The following CTNND2 variants were observed in gnomAD, a reference collection of about 807,000 sequenced individuals.
The protein encoded by CTNND2 is catenin delta 2.
CTNND2 carries 22 observed loss-of-function variants against 144.4 expected under a neutral mutation model. The ratio of observed to expected loss-of-function variants is 0.15; its 90% confidence interval spans 0.11 to 0.22. The LOEUF (loss-of-function observed/expected upper bound fraction) is 0.22. CTNND2 is among the 10% of genes least tolerant of loss of function. CTNND2 has a pLI of 1.00. For missense variants in CTNND2, 1,353 were observed against 1,618.8 expected (o/e 0.84, Z 2.82); for synonymous variants, 751 against 695.6 (o/e 1.08, Z -1.25).
intron 16 of CTNND2, among the ~76,000 whole-genome samples, chr5:11,029,218 C>A (rs1743190466): frequency 6.6e-6 from 1 of 152,126 alleles, no homozygotes; most frequent in African/African-American, 2.4e-5. Context: ...ATAATTGCAT[C>A]ATATTTTTTT....
chr5:11,566,758 G>A (rs1777138020), intron 2 of CTNND2, among the ~76,000 whole-genome samples: 2 of 152,170 alleles, frequency 1.3e-5, no homozygotes, highest in African/African-American at 2.4e-5. Flanking sequence ...GGTCATCCCC[G>A]CTTCAGGTGG....
At chr5:11,393,018 G>A (rs1048361056) in intron 6 of CTNND2, among the ~76,000 whole-genome samples, 3 of 151,394 alleles carry the variant, frequency 2.0e-5, no homozygotes, top group Non-Finnish European at 4.4e-5. Context: ...ACATCCACCC[G>A]CATGAGTGTG....
intron 11 of CTNND2, among the ~76,000 whole-genome samples, chr5:11,174,682 G>A (rs894449143): frequency 6.6e-6 from 1 of 152,138 alleles, no homozygotes; most frequent in African/African-American, 2.4e-5. Context: ...ATTATGGCAC[G>A]TATTCAGTGA....
rs904391602 is a variant in CTNND2, at chr5:11,022,813, A to G, written c.2955T>C (p.Gly985=). The change falls in exon 17 of 22, where the codon GGT becomes GGC. Residue 985 remains glycine (G), a synonymous_variant. Transcript: ENST00000304623. ...MENAKALRDA[G]GIEKLVGISK... ...AGATGCCGACCAACTTCTCGATGCCACCGGCATCCCGTAAGGCCTTGGCGT... is the reference window on the plus strand; with the variant it reads ...AGATGCCGACCAACTTCTCGATGCCGCCGGCATCCCGTAAGGCCTTGGCGT... The G allele has an allele frequency of 1.9e-6, 3 of 1,614,216 alleles. No homozygotes were observed. Among genetic ancestry groups the G allele is most frequent in the Non-Finnish European group, 2.5e-6 (3 of 1,180,034 alleles).
At chr5:11,097,767 T>G (rs17787210) in intron 15 of CTNND2, among the ~76,000 whole-genome samples, 7,215 of 152,240 alleles carry the variant, frequency 0.047, 223 homozygotes, top group Middle Eastern at 0.092. Context: ...GAGTGATTGA[T>G]GAATATCCCA....
chr5:11,232,515 C>T (rs1011672832), intron 10 of CTNND2, among the ~76,000 whole-genome samples: 10 of 152,218 alleles, frequency 6.6e-5, no homozygotes, highest in South Asian at 2.1e-4. Flanking sequence ...TATTGGATTT[C>T]GAGCTTGCAT....
intron 3 of CTNND2, among the ~76,000 whole-genome samples, chr5:11,554,472 T>C (rs1335963562): frequency 1.3e-5 from 2 of 152,172 alleles, no homozygotes; most frequent in Admixed American, 6.5e-5. Context: ...CGGAAATCAA[T>C]GTCTAGACAC....
chr5:11,346,551 CGCG>C lies in CTNND2; in HGVS notation c.1446_1448del (p.Ala484del), dbSNP rs1561255023. On this transcript the variant is annotated inframe_deletion, in exon 9 of 22. Coordinates refer to ENST00000304623, the MANE Select transcript of CTNND2 (RefSeq NM_001332.4). ...CATAGCTGGCCCTCTGGAAGGTGGC[CGCG>C]GCGGCATTCTGTGGGCCGTGCTGGC... 6.2e-7 allele frequency: 1 copy of C among 1,603,632 alleles called. No individual in the cohort carries two copies. The highest frequency in any genetic ancestry group is 8.5e-7 in the Non-Finnish European group (1 of 1,175,278).
intron 2 of CTNND2, among the ~76,000 whole-genome samples, chr5:11,712,689 C>G (rs1786097507): frequency 6.6e-6 from 1 of 152,006 alleles, no homozygotes; most frequent in South Asian, 2.1e-4. Flanking sequence ...TTCGTGGTCA[C>G]AAGGATTGTT....
intron 1 of CTNND2, among the ~76,000 whole-genome samples, chr5:11,746,683 G>C (rs1788334808): frequency 6.6e-6 from 1 of 152,054 alleles, no homozygotes; most frequent in African/African-American, 2.4e-5. Flanking sequence ...ATTAGTTCAT[G>C]AATTCTTTGA....
intron 9 of CTNND2, among the ~76,000 whole-genome samples, chr5:11,256,837 A>AG (rs1000553907): frequency 2.6e-5 from 4 of 152,288 alleles, no homozygotes; most frequent in South Asian, 2.1e-4. Flanking sequence ...AGCACTACTA[A>AG]GATTTGGGGC....
At chr5:11,575,546 G>A (rs1174873251) in intron 2 of CTNND2, among the ~76,000 whole-genome samples, 2 of 152,052 alleles carry the variant, frequency 1.3e-5, no homozygotes, top group Non-Finnish European at 2.9e-5. Context: ...ATGTTTTTCA[G>A]AACAGAAATA....
chr5:11,804,237 CA>C (rs1275527092), intron 1 of CTNND2, among the ~76,000 whole-genome samples: 27 of 152,290 alleles, frequency 1.8e-4, no homozygotes, highest in African/African-American at 6.5e-4. Context: ...CAGGCCCTCT[CA>C]TTCACTGCTG....
intron 1 of CTNND2, among the ~76,000 whole-genome samples, chr5:11,885,366 A>C (rs1233505009): frequency 1.3e-5 from 2 of 152,162 alleles, no homozygotes; most frequent in Admixed American, 1.3e-4. Flanking sequence ...TTTTCCATGC[A>C]AATAGAAACC....
At chr5:11,362,491 T>C (rs1044346810) in intron 8 of CTNND2, among the ~76,000 whole-genome samples, 1 of 152,182 alleles carries the variant, frequency 6.6e-6, no homozygotes, top group Non-Finnish European at 1.5e-5. Flanking sequence ...TGCGGCTTTA[T>C]GCTTAGGAGC....
intron 12 of CTNND2, among the ~76,000 whole-genome samples, chr5:11,155,882 A>C (rs891614435): frequency 1.3e-5 from 2 of 152,176 alleles, no homozygotes; most frequent in Non-Finnish European, 2.9e-5. Flanking sequence ...TATGTGCTTA[A>C]ATTTTTGCTA....
chr5:11,393,325 G>A lies in CTNND2; in HGVS notation c.612+3706C>T, dbSNP rs58699385. On this transcript the variant is annotated intron_variant, in intron 6 of 21. Coordinates refer to ENST00000304623, the MANE Select transcript of CTNND2 (RefSeq NM_001332.4). ...CCCTAAGATTGCGGTTGTGCACACT[G>A]TTCAATTCTACTGGAGAATATGCAA... 2.6e-3 allele frequency among the ~76,000 whole-genome samples: 398 copies of A among 152,272 alleles called. 2 individuals carry two copies. The highest frequency in any genetic ancestry group is 8.8e-3 in the African/African-American group (364 of 41,558).
In CTNND2 at chr5:11,428,226, TC is replaced by T. The variant is rs200972078; in HGVS notation, c.288-16158del. 7.0e-3 allele frequency among the ~76,000 whole-genome samples: 1,063 copies of T among 152,180 alleles called. 5 individuals are homozygous for T. The highest frequency in any genetic ancestry group is 0.011 in the Non-Finnish European group (749 of 68,006). On this transcript the variant is annotated intron_variant, in intron 3 of 21. Transcript: ENST00000304623. ...AAAGACAAAGTCTGACTATCAACAA[TC>T]CCCGGTTCAAAAGCCTTCAGTAGTT... is the stretch of plus-strand genomic sequence containing the variant.
intron 3 of CTNND2, among the ~76,000 whole-genome samples, chr5:11,466,584 T>A (rs1291291711): frequency 2.6e-5 from 4 of 152,358 alleles, no homozygotes; most frequent in African/African-American, 9.6e-5. Flanking sequence ...CTTCCTTTTT[T>A]AAAAAGTTAA....
Sources: allele counts gnomAD v4.1 joint callset (sites outside exome capture counted in the v4.1 genomes callset), GRCh38; gene constraint gnomAD v4.1.1; transcripts MANE v1.5; gene names NCBI Gene and HGNC (gene_info 2026-07-23, HGNC 2026-07-21).